Variants in ADARB2 observed in about 807,000 individuals in gnomAD.
ADARB2 encodes the protein inactive double-stranded RNA-specific editase B2.
A neutral mutation model predicts 62.2 loss-of-function variants in ADARB2; 25 were observed. The observed-to-expected ratio is 0.40, with a 90% CI of 0.29 to 0.56. The LOEUF (loss-of-function observed/expected upper bound fraction) is 0.56. ADARB2 is among the 20% of genes least tolerant of loss of function. ADARB2 has a pLI of 0.43. For synonymous variants in ADARB2, 572 were observed against 500.8 expected, an observed-to-expected ratio of 1.14 and a Z score of -1.90; for missense variants, 1,071 against 1,077.4, an observed-to-expected ratio of 0.99 and a Z score of 0.08.
chr10:1,539,840 C>T (rs938157586), intron 1 of ADARB2, among the ~76,000 whole-genome samples: 1 of 152,218 alleles, frequency 6.6e-6, no homozygotes, highest in Non-Finnish European at 1.5e-5. Flanking sequence ...ATATGATTTG[C>T]ATGCAACATA....
At chr10:1,512,548 C>G (rs76110140) in intron 1 of ADARB2, among the ~76,000 whole-genome samples, 2,172 of 152,338 alleles carry the variant, frequency 0.014, 22 homozygotes, top group Non-Finnish European at 0.024. Context: ...GATGAGAAGG[C>G]TGAAGTCCAA....
At chr10:1,374,309 T>A (rs1327357677) in intron 2 of ADARB2, among the ~76,000 whole-genome samples, 3 of 152,210 alleles carry the variant, frequency 2.0e-5, no homozygotes, top group Admixed American at 2.0e-4. Context: ...GGCATCTGCA[T>A]GGGAAAATGC....
chr10:1,510,098 T>TCTC (rs1278546139), intron 1 of ADARB2, among the ~76,000 whole-genome samples: 4 of 121,242 alleles, frequency 3.3e-5, no homozygotes, highest in Non-Finnish European at 5.4e-5. Flanking sequence ...TCTCTCTCTT[T>TCTC]TCTTTCTTTC....
intron 1 of ADARB2, among the ~76,000 whole-genome samples, chr10:1,732,888 T>G (rs1835251737): frequency 6.6e-6 from 1 of 152,246 alleles, no homozygotes; most frequent in African/African-American, 2.4e-5. Flanking sequence ...TGCCAACTTT[T>G]TATTTGCATT....
intron 1 of ADARB2, among the ~76,000 whole-genome samples, chr10:1,559,422 G>A (rs1308495240): frequency 6.6e-6 from 1 of 152,190 alleles, no homozygotes; most frequent in African/African-American, 2.4e-5. Flanking sequence ...CCCTGGGGAG[G>A]GTCCTCCAGA....
chr10:1,242,139 C>G lies in ADARB2; in HGVS notation c.1353G>C (p.Leu451=). Residue 451 remains leucine (L), a synonymous_variant, in exon 5 of 10, where the codon CTG becomes CTC. Coordinates refer to ENST00000381312, the MANE Select transcript of ADARB2 (RefSeq NM_018702.4). The part of the protein sequence containing the change: ...FLHFLYTQLE[L]HLSKRREDSE... The stretch of plus-strand genomic sequence containing the variant: ...CGTCCCCAGCCGCTCACCTCAGGTG[C>G]AGCTCCAGCTGCGTGTAGAGGAAGT... 6.2e-7 allele frequency: 1 copy of G among 1,606,220 alleles called. No individual in the cohort carries two copies. Among genetic ancestry groups the G allele is most frequent in the Non-Finnish European group, 8.5e-7 (1 of 1,178,396 alleles).
At chr10:1,337,781 C>T (rs776707207) in intron 3 of ADARB2, among the ~76,000 whole-genome samples, 61 of 152,000 alleles carry the variant, frequency 4.0e-4, no homozygotes, top group Non-Finnish European at 8.4e-4. Context: ...TTTCAAATAC[C>T]AGGAGAAAAG....
intron 3 of ADARB2, among the ~76,000 whole-genome samples, chr10:1,297,066 C>T (rs1375742986): frequency 2.0e-5 from 3 of 152,180 alleles, no homozygotes; most frequent in Non-Finnish European, 2.9e-5. Context: ...ATCCTGGATT[C>T]AATAGTATCC....
intron 4 of ADARB2, among the ~76,000 whole-genome samples, chr10:1,250,511 G>A (rs1831028527): frequency 6.6e-6 from 1 of 152,098 alleles, no homozygotes; most frequent in Admixed American, 6.6e-5. Flanking sequence ...GTTCCCATGA[G>A]CGTGGGCTGT....
intron 7 of ADARB2, among the ~76,000 whole-genome samples, chr10:1,205,964 G>GC (rs1255719888): frequency 1.3e-4 from 19 of 151,170 alleles, no homozygotes; most frequent in African/African-American, 4.1e-4. Context: ...GGGGCAGCCC[G>GC]TTGGGGTCAG....
chr10:1,657,001 TTGTGTGTGTGTGTG>T, intron 1 of ADARB2, among the ~76,000 whole-genome samples: 1 of 148,812 alleles, frequency 6.7e-6, no homozygotes, highest in South Asian at 2.2e-4. Context: ...ATCTAGTGTT[TTGTGTGTGTGTGTG>T]TGTGTGTGTG....
At chr10:1,557,564 C>T (rs1473975872) in intron 1 of ADARB2, among the ~76,000 whole-genome samples, 68 of 152,212 alleles carry the variant, frequency 4.5e-4, no homozygotes, top group Non-Finnish European at 1.0e-4. Context: ...AACAGTTCTT[C>T]ACCTTCCTAA....
chr10:1,445,376 C>T (rs924253794), intron 1 of ADARB2, among the ~76,000 whole-genome samples: 2 of 151,712 alleles, frequency 1.3e-5, no homozygotes, highest in Non-Finnish European at 2.9e-5. Context: ...TTCCATCCAT[C>T]CATTCATCCA....
chr10:1,395,133 G>C (rs112211883), intron 1 of ADARB2, among the ~76,000 whole-genome samples: 2,890 of 152,198 alleles, frequency 0.019, 40 homozygotes, highest in Middle Eastern at 0.044. Flanking sequence ...CTGGGACCTC[G>C]GCCTCCCAAA....
At chr10:1,685,723 C>T (rs572510156) in intron 1 of ADARB2, among the ~76,000 whole-genome samples, 14 of 152,318 alleles carry the variant, frequency 9.2e-5, no homozygotes, top group East Asian at 1.9e-4. Flanking sequence ...TTTCTCAGCA[C>T]GTCTTTAAAG....
At chr10:1,361,021 A>C (rs1832248063) in intron 3 of ADARB2, 1 of 152,306 alleles carries the variant, frequency 6.6e-6, no homozygotes, top group Admixed American at 6.5e-5. Flanking sequence ...GATTCAACAG[A>C]AGAGTGGCAG....
chr10:1,188,299 T>C (rs909805158), intron 8 of ADARB2: 3 of 152,288 alleles, frequency 2.0e-5, no homozygotes, highest in Admixed American at 1.3e-4. Context: ...GTTTGTTTCG[T>C]GTTCTCCAAG....
chr10:1,643,389 G>A (rs1834001044), intron 1 of ADARB2, among the ~76,000 whole-genome samples: 1 of 152,218 alleles, frequency 6.6e-6, no homozygotes, highest in Non-Finnish European at 1.5e-5. Context: ...ACCAGATGAG[G>A]CAACTTCCAG....
intron 1 of ADARB2, among the ~76,000 whole-genome samples, chr10:1,461,041 T>C (rs983388282): frequency 6.6e-6 from 1 of 152,262 alleles, no homozygotes; most frequent in African/African-American, 2.4e-5. Flanking sequence ...ACATTATATA[T>C]TCTGTTGTTT....
Sources: allele counts gnomAD v4.1 joint callset (sites outside exome capture counted in the v4.1 genomes callset), GRCh38; gene constraint gnomAD v4.1.1; transcripts MANE v1.5; gene names NCBI Gene and HGNC (gene_info 2026-07-23, HGNC 2026-07-21).